ACSL4: variants seen among roughly 807,000 people sequenced by gnomAD.
The protein encoded by ACSL4 is acyl-CoA synthetase long chain family member 4, also known as long-chain-fatty-acid--CoA ligase 4.
Under a neutral mutation model 49.1 loss-of-function variants are expected in ACSL4, and 9 were observed. That is an observed-to-expected ratio of 0.18 (90% CI 0.11 to 0.32). The LOEUF (loss-of-function observed/expected upper bound fraction) is 0.32, where lower values mean the gene tolerates loss of function less well. Ranked by LOEUF, ACSL4 falls within the 10% of genes least tolerant of loss-of-function variation. ACSL4 has a pLI of 1.00. For synonymous variants in ACSL4, 191 were observed against 170.3 expected, an observed-to-expected ratio of 1.12 and a Z score of -0.95; for missense variants, 333 against 493.7, an observed-to-expected ratio of 0.67 and a Z score of 3.08.
chrX:109,727,869 A>G (rs1928137487), intron 1 of ACSL4, among the ~76,000 whole-genome samples: 1 of 112,005 alleles, frequency 8.9e-6, no homozygotes, highest in African/African-American at 3.2e-5. Flanking sequence ...GGATGTGGCT[A>G]TATTCCAAGA....
rs369373915 is a variant in ACSL4 at position 109,701,360 on chromosome X, G to A, written c.-65-5164C>T. On this transcript the variant is annotated intron_variant, in intron 1 of 15. Transcript: ENST00000672401. ...GCCTTCTGAGTAGCTGGGACTACAGGTGTGCACCACAGCACGCCGCTAATT... is the reference window on the plus strand; with the variant it reads ...GCCTTCTGAGTAGCTGGGACTACAGATGTGCACCACAGCACGCCGCTAATT... Among the ~76,000 whole-genome samples the A allele has an allele frequency of 2.8e-5, 3 of 106,570 alleles. No individual in the cohort carries two copies. The East Asian group carries it at 9.0e-4, about 32-fold the overall frequency. 92.5% of individuals were successfully genotyped at this position (106,570 alleles called of 115,157 possible).
chrX:109,692,119 T>C (rs1380537988), intron 2 of ACSL4: 1 of 111,868 alleles, frequency 8.9e-6, no homozygotes, highest in Non-Finnish European at 1.9e-5. Context: ...TCAGCTGCCA[T>C]GTTGAAGACA....
In ACSL4 at chrX:109,643,915, C is replaced by G. The variant is rs1173617407; in HGVS notation, c.*114G>C. The G allele has an allele frequency of 1.1e-6, 1 of 896,358 alleles. No individual in the cohort carries two copies. The highest frequency in any genetic ancestry group is 1.6e-6 in the Non-Finnish European group (1 of 622,414). The allele number at this position is 896,358 out of a possible 1,213,427, so 73.9% of individuals were successfully genotyped here. On this transcript the variant is annotated 3_prime_UTR_variant, in exon 16 of 16. Coordinates refer to ENST00000672401, the MANE Select transcript of ACSL4 (RefSeq NM_001318510.2). Reference sequence around the variant, plus strand: ...CTTTTGGTTTTGTTTTCTTTTTACTCTATCTTTAGAATGATATACCTTACA... The same window carrying G: ...CTTTTGGTTTTGTTTTCTTTTTACTGTATCTTTAGAATGATATACCTTACA...
intron 15 of ACSL4, among the ~76,000 whole-genome samples, chrX:109,645,478 AAACT>A (rs1273356762): frequency 8.9e-6 from 1 of 112,100 alleles, no homozygotes; most frequent in Non-Finnish European, 1.9e-5. Flanking sequence ...GTTAGAAGGA[AAACT>A]AACAAACAGA....
At chrX:109,662,614 G>C (rs1426129925) in intron 13 of ACSL4, among the ~76,000 whole-genome samples, 1 of 110,958 alleles carries the variant, frequency 9.0e-6, no homozygotes, top group African/African-American at 3.3e-5. Flanking sequence ...TGAACATAAA[G>C]GTCCACTTCA....
intron 1 of ACSL4, among the ~76,000 whole-genome samples, chrX:109,723,960 C>T (rs1339256663): frequency 8.9e-6 from 1 of 112,037 alleles, no homozygotes; most frequent in African/African-American, 3.2e-5. Flanking sequence ...CTTTTTTATT[C>T]ACCAGTACTT....
At chrX:109,661,398 T>TA (rs1922166454) in intron 14 of ACSL4, 133 bp downstream of exon 14, 3 of 505,619 alleles carry the variant, frequency 5.9e-6, no homozygotes, top group Non-Finnish European at 1.0e-5. Context: ...CTAACTTACA[T>TA]AAATGTACAA....
At chrX:109,703,824 C>T (rs187588597) in intron 1 of ACSL4, among the ~76,000 whole-genome samples, 486 of 109,935 alleles carry the variant, frequency 4.4e-3, no homozygotes, top group Non-Finnish European at 5.1e-3. Flanking sequence ...CCCAGCTATT[C>T]GGGAGGCTGA....
chrX:109,718,767 A>AAAAG (rs1162545063), intron 1 of ACSL4, among the ~76,000 whole-genome samples: 74 of 105,649 alleles, frequency 7.0e-4, no homozygotes, highest in Non-Finnish European at 9.9e-4. Context: ...AAAAAAAAAA[A>AAAAG]AAAGAAAGAA....
At chrX:109,719,014 G>A (rs1385730935) in intron 1 of ACSL4, among the ~76,000 whole-genome samples, 2 of 111,379 alleles carry the variant, frequency 1.8e-5, no homozygotes, top group African/African-American at 6.5e-5. Context: ...ACAGTCAACA[G>A]ACTTCCTCTT....
At position 109,691,224 on chromosome X, in the gene ACSL4, CAATT is replaced by C. The variant is rs765080634; in HGVS notation, c.-13+4916_-13+4919del. On this transcript the variant is annotated intron_variant, in intron 2 of 15. Transcript: ENST00000672401. ...GTTTTTAAATCAATTTGAAAATCAACAATTAACTATATAAGTGCTACTTTTTTAG... is the reference window on the plus strand; with the variant it reads ...GTTTTTAAATCAATTTGAAAATCAACAACTATATAAGTGCTACTTTTTTAG... 2.7e-5 allele frequency among the ~76,000 whole-genome samples: 3 copies of C among 112,195 alleles called. No individual in the cohort carries two copies. In the East Asian group the frequency reaches 8.3e-4, roughly 31 times the overall value.
intron 1 of ACSL4, among the ~76,000 whole-genome samples, chrX:109,710,434 G>A (rs1431146118): frequency 1.8e-5 from 2 of 112,103 alleles, no homozygotes; most frequent in African/African-American, 6.5e-5. Flanking sequence ...TATTCCAAGT[G>A]TTTTTCAATG....
At chrX:109,702,035 C>T (rs1926006523) in intron 1 of ACSL4, among the ~76,000 whole-genome samples, 1 of 105,240 alleles carries the variant, frequency 9.5e-6, no homozygotes, top group Admixed American at 1.0e-4. Context: ...CATGGTGAAA[C>T]CCCATCTCTA....
rs1934509217 is a variant in ACSL4, at chrX:109,643,485, T to G, written c.*544A>C. Reference sequence around the variant, plus strand: ...TCTAACCTATGCAACAATTATAATCTTAATACCTTCTAAGGTATTATTTGA... The same window carrying G: ...TCTAACCTATGCAACAATTATAATCGTAATACCTTCTAAGGTATTATTTGA... On this transcript the variant is annotated 3_prime_UTR_variant, in exon 16 of 16. Transcript: ENST00000672401. 1 of 115,528 alleles carries G rather than the reference T, an allele frequency of 8.7e-6. No homozygotes were observed. The highest frequency in any genetic ancestry group is 9.0e-5 in the Admixed American group (1 of 11,107). The allele number at this position is 115,528 out of a possible 1,213,427, so 9.5% of individuals were successfully genotyped here.
chrX:109,678,069 C>T lies in ACSL4; in HGVS notation c.849G>A (p.Val283=). 8.3e-7 allele frequency: 1 copy of T among 1,211,163 alleles called. No individual in the cohort carries two copies. Among genetic ancestry groups the T allele is most frequent in the Non-Finnish European group, 1.1e-6 (1 of 894,741 alleles). The part of the protein sequence containing the change: ...TYIGYLPLAH[V]LELTAEISCF... ...AAGATATCTCTGCTGTCAGTTCTAG[C>T]ACATGAGCCAAAGGCAAGTAGCCAA... is the stretch of plus-strand genomic sequence containing the variant. Residue 283 remains valine, a synonymous_variant, in exon 8 of 16, where the codon GTG becomes GTA. Coordinates refer to ENST00000672401, the MANE Select transcript of ACSL4 (RefSeq NM_001318510.2).
intron 2 of ACSL4, among the ~76,000 whole-genome samples, chrX:109,695,079 G>C (rs1925326791): frequency 9.0e-6 from 1 of 111,520 alleles, no homozygotes. Flanking sequence ...TGGTATGGTG[G>C]CTCATGCCTG....
chrX:109,703,321 T>C (rs1303695828), intron 1 of ACSL4, among the ~76,000 whole-genome samples: 2 of 111,522 alleles, frequency 1.8e-5, no homozygotes, highest in Non-Finnish European at 3.8e-5. Context: ...AAACATTAGA[T>C]TAACCCAGAT....
intron 15 of ACSL4, among the ~76,000 whole-genome samples, chrX:109,646,018 A>T (rs1038228738): frequency 8.9e-6 from 1 of 112,033 alleles, no homozygotes; most frequent in Non-Finnish European, 1.9e-5. Flanking sequence ...ATATGGGACT[A>T]TGTGAAAAGA....
At chrX:109,665,994 G>A (rs1922601620) in intron 11 of ACSL4, among the ~76,000 whole-genome samples, 1 of 112,311 alleles carries the variant, frequency 8.9e-6, no homozygotes, top group African/African-American at 3.2e-5. Flanking sequence ...GATGTTAGCT[G>A]CTGTTGTCAA....
Sources: gnomAD v4.1 joint callset for allele counts (sites outside exome capture counted in the v4.1 genomes callset) on GRCh38, gnomAD v4.1.1 for gene constraint, MANE v1.5 for transcripts, NCBI Gene and HGNC (gene_info 2026-07-23, HGNC 2026-07-21) for gene names.